The following DOCK8 variants were observed in gnomAD, a reference collection of about 807,000 sequenced individuals.
DOCK8 encodes dedicator of cytokinesis protein 8.
Under a neutral mutation model 245.6 loss-of-function variants are expected in DOCK8, and 141 were observed. The ratio of observed to expected loss-of-function variants is 0.57; its 90% CI spans 0.50 to 0.66. The LOEUF is 0.66. Among genes scored for constraint, DOCK8 ranks in the 30% least tolerant of loss-of-function variants. DOCK8 has a pLI of 0.00. For missense variants in DOCK8, 2,965 were observed against 2,603.4 expected (o/e 1.14, Z -3.02); for synonymous variants, 1,168 against 970.2 (o/e 1.20, Z -3.79).
rs142056745 is a variant in DOCK8 at position 403,008 on chromosome 9, C to T, written c.3235-1910C>T. On this transcript the variant is annotated intron_variant, in intron 26 of 47. Coordinates refer to ENST00000432829, the MANE Select transcript of DOCK8 (RefSeq NM_203447.4). ...AGGTTCAAGCGATTCTCCTTCCTCA[C>T]CCTCCCGAGTAGCTGGGATTACAGG... Among the ~76,000 whole-genome samples, 737 of 152,260 alleles carry T rather than the reference C, an allele frequency of 4.8e-3. 5 individuals are homozygous for T. The highest frequency in any genetic ancestry group is 0.017 in the African/African-American group (702 of 41,550).
At chr9:328,286 A>T in intron 9 of DOCK8, 115 bp downstream of exon 9, 1 of 1,342,758 alleles carries the variant, frequency 7.4e-7, no homozygotes, top group Non-Finnish European at 1.0e-6. Context: ...TCTGAGATTC[A>T]CTTTGTTTCC....
chr9:236,068 A>G (rs2047240001), intron 1 of DOCK8, among the ~76,000 whole-genome samples: 1 of 152,068 alleles, frequency 6.6e-6, no homozygotes, highest in South Asian at 2.1e-4. Flanking sequence ...TTTTTTTCTT[A>G]CATAACAAGA....
At chr9:459,127 A>G (rs1263968217) in intron 46 of DOCK8, among the ~76,000 whole-genome samples, 1 of 152,238 alleles carries the variant, frequency 6.6e-6, no homozygotes, top group Admixed American at 6.5e-5. Context: ...TGAGAGCAGC[A>G]CAGATGTTTG....
At chr9:415,697 C>T (rs1195970635) in intron 29 of DOCK8, among the ~76,000 whole-genome samples, 2 of 152,044 alleles carry the variant, frequency 1.3e-5, no homozygotes, top group African/African-American at 4.8e-5. Flanking sequence ...CGCGTGCACA[C>T]ACACACACAC....
intron 9 of DOCK8, among the ~76,000 whole-genome samples, chr9:331,059 C>T (rs2050987541): frequency 2.0e-5 from 3 of 152,182 alleles, no homozygotes; most frequent in Non-Finnish European, 4.4e-5. Context: ...AGAATTTATT[C>T]TAAAGACCAC....
intron 1 of DOCK8, among the ~76,000 whole-genome samples, chr9:265,815 T>C (rs1017464809): frequency 6.6e-6 from 1 of 152,108 alleles, no homozygotes; most frequent in African/African-American, 2.4e-5. Context: ...CTTCACCTGT[T>C]AGAGCTGGAA....
intron 18 of DOCK8, among the ~76,000 whole-genome samples, chr9:373,955 G>T (rs2053408934): frequency 6.6e-6 from 1 of 152,198 alleles, no homozygotes; most frequent in African/African-American, 2.4e-5. Context: ...AGACCTGAGT[G>T]TTGGAGAGAG....
chr9:355,192 C>CTTTTTTTTT (rs749045514), intron 14 of DOCK8, among the ~76,000 whole-genome samples: 5 of 121,088 alleles, frequency 4.1e-5, no homozygotes, highest in Non-Finnish European at 5.0e-5. Context: ...TGTTTCTTTT[C>CTTTTTTTTT]TTTTTTTTTT....
intron 9 of DOCK8, among the ~76,000 whole-genome samples, chr9:331,068 A>G (rs1452384994): frequency 6.6e-6 from 1 of 152,234 alleles, no homozygotes; most frequent in Admixed American, 6.5e-5. Flanking sequence ...TCTAAAGACC[A>G]CATTTTTAAT....
rs1424086240 is a variant in DOCK8 at position 286,544 on chromosome 9, C to G, written c.240C>G (p.Ala80=). 2 of 1,613,942 alleles carry G rather than the reference C, an allele frequency of 1.2e-6. No individual in the cohort carries two copies. Among genetic ancestry groups the G allele is most frequent in the African/African-American group, 1.3e-5 (1 of 74,972 alleles). ...THLNSLDVQL[A]QELGDFTDDD... Reference sequence around the variant, plus strand: ...TGAACAGCCTGGATGTGCAGCTTGCCCAGGAGCTCGGGGACTTCACTGATG... The same window carrying G: ...TGAACAGCCTGGATGTGCAGCTTGCGCAGGAGCTCGGGGACTTCACTGATG... Residue 80 remains alanine, a synonymous_variant, in exon 3 of 48, where the codon GCC becomes GCG. Transcript: ENST00000432829.
intron 14 of DOCK8, among the ~76,000 whole-genome samples, chr9:340,869 A>G (rs746325814): frequency 3.9e-5 from 6 of 152,138 alleles, no homozygotes; most frequent in Admixed American, 6.5e-5. Context: ...TATAGTGGAC[A>G]TATGTTTTCC....
chr9:252,797 CA>C (rs113508710), intron 1 of DOCK8, among the ~76,000 whole-genome samples: 77 of 142,696 alleles, frequency 5.4e-4, no homozygotes, highest in Non-Finnish European at 4.1e-4. Context: ...GACTCCATCT[CA>C]AAAAAAAAAA....
At chr9:308,741 C>T (rs1054789023) in intron 5 of DOCK8, among the ~76,000 whole-genome samples, 5 of 152,068 alleles carry the variant, frequency 3.3e-5, no homozygotes, top group Admixed American at 1.3e-4. Flanking sequence ...CACTGCAACC[C>T]CTGCCTCCCA....
chr9:232,029 G>T (rs1281893286), intron 1 of DOCK8, among the ~76,000 whole-genome samples: 1 of 152,036 alleles, frequency 6.6e-6, no homozygotes, highest in East Asian at 1.9e-4. Context: ...ATTGGCTGTG[G>T]GTTTGTCATA....
At chr9:397,531 A>G (rs1206590162) in intron 25 of DOCK8, among the ~76,000 whole-genome samples, 1 of 151,650 alleles carries the variant, frequency 6.6e-6, no homozygotes, top group African/African-American at 2.4e-5. Flanking sequence ...TCTACTAAAA[A>G]TATGGAAAAT....
chr9:416,376 A>C (rs1350530436), intron 29 of DOCK8, among the ~76,000 whole-genome samples: 1 of 152,254 alleles, frequency 6.6e-6, no homozygotes, highest in Non-Finnish European at 1.5e-5. Context: ...TCCCAAAGCC[A>C]GGAACCACTT....
At chr9:260,984 G>C (rs1475358282) in intron 1 of DOCK8, among the ~76,000 whole-genome samples, 1 of 151,282 alleles carries the variant, frequency 6.6e-6, no homozygotes, top group South Asian at 2.1e-4. Context: ...TATATGCACA[G>C]AAGGAAACAC....
intron 7 of DOCK8, among the ~76,000 whole-genome samples, chr9:322,761 A>C (rs186335295): frequency 1.3e-5 from 2 of 152,306 alleles, no homozygotes; most frequent in Non-Finnish European, 1.5e-5. Context: ...ATATAGATTG[A>C]GCATGCCAGG....
At chr9:444,580 T>C (rs1340192247) in intron 43 of DOCK8, among the ~76,000 whole-genome samples, 1 of 152,144 alleles carries the variant, frequency 6.6e-6, no homozygotes, top group Non-Finnish European at 1.5e-5. Context: ...TTTCATTATG[T>C]AGGCAAATTG....
Sources: allele counts gnomAD v4.1 joint callset (sites outside exome capture counted in the v4.1 genomes callset), GRCh38; gene constraint gnomAD v4.1.1; transcripts MANE v1.5; gene names NCBI Gene and HGNC (gene_info 2026-07-23, HGNC 2026-07-21).